NXPH1: variants seen among roughly 807,000 people sequenced by gnomAD.
NXPH1 encodes the protein neurexophilin 1.
In NXPH1, 5 loss-of-function variants were observed where a neutral mutation model predicts 23.7. The observed-to-expected ratio is 0.21, with a 90% CI of 0.11 to 0.44. The LOEUF (loss-of-function observed/expected upper bound fraction) is 0.44. Ranked by LOEUF, NXPH1 falls within the 20% of genes least tolerant of loss-of-function variation. The probability of loss-of-function intolerance (pLI) is 0.99; values close to 1 mark genes in which losing one functional copy is unlikely to be tolerated. For missense variants in NXPH1, 324 were observed against 321.6 expected (o/e 1.01, Z -0.06); for synonymous variants, 144 against 122.2 (o/e 1.18, Z -1.18).
intron 2 of NXPH1, among the ~76,000 whole-genome samples, chr7:8,451,647 G>A (rs2128605531): frequency 6.6e-6 from 1 of 152,318 alleles, no homozygotes; most frequent in African/African-American, 2.4e-5. Context: ...ATACAACTAT[G>A]GTGAGAGAAT....
At chr7:8,590,173 T>C (rs1177783447) in intron 2 of NXPH1, among the ~76,000 whole-genome samples, 1 of 152,042 alleles carries the variant, frequency 6.6e-6, no homozygotes, top group Non-Finnish European at 1.5e-5. Context: ...ACACTAACAT[T>C]TGGGGGCAAG....
intron 2 of NXPH1, among the ~76,000 whole-genome samples, chr7:8,734,385 A>C (rs899104703): frequency 6.6e-6 from 1 of 152,126 alleles, no homozygotes; most frequent in Non-Finnish European, 1.5e-5. Context: ...ATGAAATTTA[A>C]TGTAGTTTTT....
chr7:8,476,700 T>C (rs1816979379), intron 2 of NXPH1, among the ~76,000 whole-genome samples: 1 of 111,154 alleles, frequency 9.0e-6, no homozygotes. Context: ...TTCATGTTAA[T>C]AAAGATAAAA....
In NXPH1 at chr7:8,552,175, A is replaced by G. The variant is rs1324518233; in HGVS notation, c.54+116408A>G. 2.0e-5 allele frequency among the ~76,000 whole-genome samples: 3 copies of G among 150,806 alleles called. No homozygotes were observed. In the East Asian group the frequency reaches 5.9e-4, roughly 30 times the overall value. ...AACCACACAAACCGTTAAGGAGAGTAATGTAATTTGTAGAAATCTGCAGGA... is the reference window on the plus strand; with the variant it reads ...AACCACACAAACCGTTAAGGAGAGTGATGTAATTTGTAGAAATCTGCAGGA... On this transcript the variant is annotated intron_variant, in intron 2 of 2. Transcript: ENST00000405863.
chr7:8,688,031 C>T (rs4725118), intron 2 of NXPH1, among the ~76,000 whole-genome samples: 10,233 of 151,940 alleles, frequency 0.067, 805 homozygotes, highest in East Asian at 0.35. Context: ...GTAAAGATTC[C>T]TTATTTGAAT....
At chr7:8,592,446 G>A (rs1562416032) in intron 2 of NXPH1, among the ~76,000 whole-genome samples, 1 of 152,002 alleles carries the variant, frequency 6.6e-6, no homozygotes, top group Non-Finnish European at 1.5e-5. Context: ...TTAGGGGTAA[G>A]TCATGCCTTT....
intron 2 of NXPH1, among the ~76,000 whole-genome samples, chr7:8,559,548 ACT>A (rs1472223672): frequency 1.3e-5 from 2 of 151,606 alleles, no homozygotes; most frequent in Non-Finnish European, 3.0e-5. Flanking sequence ...TGCTGAGAAC[ACT>A]CATTTTTGTC....
rs574365358 is a variant in NXPH1, at chr7:8,520,326, G to A, written c.54+84559G>A. ...CTTCTTTTTAAGGGGAAAAGCAGCA[G>A]CATTTGTTTTCCTTCAAAGCATTCT... On this transcript the variant is annotated intron_variant, in intron 2 of 2. Transcript: ENST00000405863. Among the ~76,000 whole-genome samples the A allele has an allele frequency of 5.9e-5, 9 of 152,240 alleles. No individual in the cohort carries two copies. The East Asian group carries it at 1.7e-3, about 29-fold the overall frequency.
intron 2 of NXPH1, among the ~76,000 whole-genome samples, chr7:8,531,276 G>C (rs982616450): frequency 6.6e-5 from 10 of 152,200 alleles, no homozygotes; most frequent in Non-Finnish European, 1.5e-5. Flanking sequence ...TCCATAAATA[G>C]CTATAGAGTG....
At chr7:8,503,639 C>T (rs1332198361) in intron 2 of NXPH1, among the ~76,000 whole-genome samples, 1 of 151,954 alleles carries the variant, frequency 6.6e-6, no homozygotes, top group African/African-American at 2.4e-5. Flanking sequence ...TTTAGATTTC[C>T]TGATGCAGGT....
intron 2 of NXPH1, among the ~76,000 whole-genome samples, chr7:8,455,582 C>A (rs963519578): frequency 2.0e-5 from 3 of 152,098 alleles, no homozygotes; most frequent in African/African-American, 7.2e-5. Flanking sequence ...AGCCTCGTGG[C>A]CTGCATTGCC....
rs370593671 is a variant in NXPH1 at position 8,537,555 on chromosome 7, C to A, written c.54+101788C>A. 2.6e-5 allele frequency among the ~76,000 whole-genome samples: 4 copies of A among 152,024 alleles called. No individual in the cohort carries two copies. The South Asian group carries it at 6.2e-4, about 24-fold the overall frequency. Reference sequence around the variant, plus strand: ...TCAGAACAGCATGGAGGTAACCACCCCCATGATTCAGTTACCTCCCACCAG... The same window carrying A: ...TCAGAACAGCATGGAGGTAACCACCACCATGATTCAGTTACCTCCCACCAG... On this transcript the variant is annotated intron_variant, in intron 2 of 2. Coordinates refer to ENST00000405863, the MANE Select transcript of NXPH1 (RefSeq NM_152745.3).
intron 2 of NXPH1, among the ~76,000 whole-genome samples, chr7:8,665,712 T>G (rs1332208713): frequency 6.6e-6 from 1 of 151,982 alleles, no homozygotes; most frequent in African/African-American, 2.4e-5. Flanking sequence ...TAGTTTTCAG[T>G]GCACAGATCT....
chr7:8,455,409 C>T (rs1367445351), intron 2 of NXPH1, among the ~76,000 whole-genome samples: 1 of 152,136 alleles, frequency 6.6e-6, no homozygotes, highest in Non-Finnish European at 1.5e-5. Flanking sequence ...GCCCTATTTT[C>T]ATCTGTGGTG....
chr7:8,679,710 T>A (rs1471047148), intron 2 of NXPH1, among the ~76,000 whole-genome samples: 1 of 152,244 alleles, frequency 6.6e-6, no homozygotes, highest in Non-Finnish European at 1.5e-5. Context: ...CAAGTCTATT[T>A]GTTGCACTCT....
intron 2 of NXPH1, among the ~76,000 whole-genome samples, chr7:8,671,372 AT>A (rs1334857878): frequency 6.6e-6 from 1 of 152,114 alleles, no homozygotes; most frequent in Non-Finnish European, 1.5e-5. Flanking sequence ...ACTCTTTTTG[AT>A]TGCCAATATG....
intron 2 of NXPH1, among the ~76,000 whole-genome samples, chr7:8,529,896 T>C (rs1817923790): frequency 1.3e-5 from 2 of 152,230 alleles, no homozygotes; most frequent in Admixed American, 1.3e-4. Context: ...GGGTGATCTT[T>C]CTTTGTCTCA....
intron 2 of NXPH1, among the ~76,000 whole-genome samples, chr7:8,609,630 T>C (rs1176575692): frequency 1.3e-5 from 2 of 152,168 alleles, no homozygotes; most frequent in East Asian, 1.9e-4. Flanking sequence ...TAAACTAGTA[T>C]TACAGACAAA....
chr7:8,645,798 C>A (rs1382293724), intron 2 of NXPH1, among the ~76,000 whole-genome samples: 1 of 151,968 alleles, frequency 6.6e-6, no homozygotes, highest in Non-Finnish European at 1.5e-5. Context: ...GTTCTTATTT[C>A]ATTTGGAATT....
Sources: allele counts gnomAD v4.1 joint callset (sites outside exome capture counted in the v4.1 genomes callset), GRCh38; gene constraint gnomAD v4.1.1; transcripts MANE v1.5; gene names NCBI Gene and HGNC (gene_info 2026-07-23, HGNC 2026-07-21).